MED14: variants seen among roughly 807,000 people sequenced by gnomAD.
The protein encoded by MED14 is mediator complex subunit 14.
In MED14, 8 loss-of-function variants were observed where a neutral mutation model predicts 109.0. The observed-to-expected ratio is 0.07, with a 90% confidence interval of 0.04 to 0.13. The LOEUF (loss-of-function observed/expected upper bound fraction) is 0.13. Among genes scored for constraint, MED14 ranks in the 10% least tolerant of loss-of-function variants. The pLI is 1.00. For synonymous variants in MED14, 399 were observed against 408.7 expected, an observed-to-expected ratio of 0.98 and a Z score of 0.29; for missense variants, 711 against 1,142.4, an observed-to-expected ratio of 0.62 and a Z score of 5.44.
At chrX:40,732,843 T>G (rs1932125393) in intron 1 of MED14, among the ~76,000 whole-genome samples, 1 of 108,671 alleles carries the variant, frequency 9.2e-6, no homozygotes, top group African/African-American at 3.4e-5. Flanking sequence ...AAGAGGAGAG[T>G]TTCAGGACAT....
At chrX:40,680,665 G>A (rs1163742342) in intron 20 of MED14, 93 bp downstream of exon 20, 12 of 755,233 alleles carry the variant, frequency 1.6e-5, no homozygotes, top group African/African-American at 1.3e-4. Context: ...CAATCCTTCC[G>A]CCTCGGCCTC....
rs2146682820 is a variant in MED14, at chrX:40,697,095, T to C, written c.1579A>G (p.Thr527Ala). Reference protein sequence around the residue: ...SETLQLSNYSTHPIGNLSKNK... With the variant: ...SETLQLSNYSAHPIGNLSKNK... Reference sequence around the variant, plus strand: ...TTAGAAAGGTTTCCAATAGGATGAGTTGAGTAATTGGAAAGCTGCAATGTT... The same window carrying C: ...TTAGAAAGGTTTCCAATAGGATGAGCTGAGTAATTGGAAAGCTGCAATGTT... The change falls in exon 13 of 31, where the codon ACT (threonine) becomes GCT (alanine). Residue 527 changes from threonine (T) to alanine (A), a missense_variant. This residue lies in a region of MED14 where 388 missense variants were observed against 517.3 expected (regional missense o/e 0.75). Transcript: ENST00000324817. 1.7e-6 allele frequency: 2 copies of C among 1,190,752 alleles called. No homozygotes were observed. The highest frequency in any genetic ancestry group is 5.9e-5 in the East Asian group (2 of 33,777).
At position 40,680,159 on chromosome X, in the gene MED14, C is replaced by T. The variant is rs1425452479; in HGVS notation, c.2611-26G>A. 5 of 1,191,846 alleles carry T rather than the reference C, an allele frequency of 4.2e-6. No homozygotes were observed. In the East Asian group the frequency reaches 1.5e-4, roughly 35 times the overall value. On this transcript the variant is annotated intron_variant, in intron 20 of 30. Transcript: ENST00000324817. Reference sequence around the variant, plus strand: ...CTATAAGGAACAAACACAGTGAGAGCAGCCAGTTTCTGTACAAATGTTAAA... The same window carrying T: ...CTATAAGGAACAAACACAGTGAGAGTAGCCAGTTTCTGTACAAATGTTAAA...
At chrX:40,683,119 A>G in intron 16 of MED14, 123 bp from the exon 17 acceptor site, 1 of 526,526 alleles carries the variant, frequency 1.9e-6, no homozygotes, top group Non-Finnish European at 3.0e-6. Flanking sequence ...CCTTCTGCAA[A>G]AGGAGGAAGC....
chrX:40,689,686 C>T (rs372399431), intron 15 of MED14, among the ~76,000 whole-genome samples: 2 of 106,715 alleles, frequency 1.9e-5, no homozygotes, highest in Admixed American at 1.0e-4. Flanking sequence ...AGTGAAACTC[C>T]ATTTCAAAAA....
Position 40,663,043 on chromosome X carries a change from G to C in MED14, c.3566C>G (p.Ser1189Cys). Residue 1189 changes from serine to cysteine, a missense_variant, in exon 26 of 31, where the codon TCT becomes TGT. Physicochemically the swap from Ser to Cys is moderately radical, Grantham distance 112. Around this residue, in one of 8 missense-constraint regions of MED14, gnomAD observed 54 missense variants for 129.6 expected, o/e 0.42. Transcript: ENST00000324817. ...GCCGGGCACAAGGCCTGGAGTTGGA[G>C]AGGGCAGCAGTAAAATGTTCAAGGC... Reference protein sequence around the residue: ...HSALNILLLPSPTPGLVPGLA... With the variant: ...HSALNILLLPCPTPGLVPGLA... The C allele has an allele frequency of 8.3e-7, 1 of 1,211,379 alleles. No homozygotes were observed.
At chrX:40,690,617 G>A (rs1930465938) in intron 15 of MED14, among the ~76,000 whole-genome samples, 1 of 111,295 alleles carries the variant, frequency 9.0e-6, no homozygotes, top group Non-Finnish European at 1.9e-5. Flanking sequence ...GTTTCACCAT[G>A]TTGGCCAGGT....
chrX:40,689,382 C>T (rs1602466589), intron 15 of MED14, among the ~76,000 whole-genome samples: 1 of 111,942 alleles, frequency 8.9e-6, no homozygotes, highest in East Asian at 2.8e-4. Flanking sequence ...AATGTTGCTG[C>T]TATTCTATCA....
intron 12 of MED14, among the ~76,000 whole-genome samples, chrX:40,697,668 CCTTTTATTT>C (rs1261528636): frequency 8.9e-6 from 1 of 111,890 alleles, no homozygotes; most frequent in African/African-American, 3.2e-5. Flanking sequence ...TCCTTTTATT[CCTTTTATTT>C]GATTATCTAT....
intron 23 of MED14, among the ~76,000 whole-genome samples, chrX:40,670,138 G>C (rs897638345): frequency 2.1e-4 from 23 of 111,981 alleles, no homozygotes; most frequent in African/African-American, 7.5e-4. Flanking sequence ...AGACATGGTG[G>C]GGGTGGGATC....
At chrX:40,727,830 C>T (rs1481556613) in intron 2 of MED14, among the ~76,000 whole-genome samples, 1 of 111,257 alleles carries the variant, frequency 9.0e-6, no homozygotes, top group African/African-American at 3.3e-5. Flanking sequence ...ACCACCATGA[C>T]GCAATGCACC....
chrX:40,687,584 T>C (rs904232047), intron 16 of MED14, among the ~76,000 whole-genome samples: 1 of 111,428 alleles, frequency 9.0e-6, no homozygotes, highest in African/African-American at 3.3e-5. Flanking sequence ...TCCAGCCTCA[T>C]TTCTCCCATC....
At chrX:40,660,745 G>A (rs189168650) in intron 26 of MED14, among the ~76,000 whole-genome samples, 2 of 112,080 alleles carry the variant, frequency 1.8e-5, no homozygotes, top group African/African-American at 6.5e-5. Flanking sequence ...GCTAGATCCC[G>A]GGTCTGATGA....
intron 15 of MED14, among the ~76,000 whole-genome samples, chrX:40,688,783 T>C (rs746128797): frequency 2.7e-5 from 3 of 111,712 alleles, no homozygotes; most frequent in Admixed American, 1.9e-4. Flanking sequence ...ATTCAAAATT[T>C]AGGAGATTAG....
At chrX:40,734,435 C>T (rs186749026) in intron 1 of MED14, among the ~76,000 whole-genome samples, 47 of 112,345 alleles carry the variant, frequency 4.2e-4, no homozygotes, top group Non-Finnish European at 7.5e-5. Context: ...CAATTGATAA[C>T]CCTGATCTGA....
chrX:40,722,560 A>G (rs1300916309), intron 3 of MED14, among the ~76,000 whole-genome samples: 1 of 111,723 alleles, frequency 9.0e-6, no homozygotes, highest in Non-Finnish European at 1.9e-5. Flanking sequence ...TTTATTGAAA[A>G]GGATAACAAC....
At position 40,651,538 on chromosome X, in the gene MED14, C is replaced by G. The variant is rs1928876039; in HGVS notation, c.*268G>C. On this transcript the variant is annotated 3_prime_UTR_variant, in exon 31 of 31. Transcript: ENST00000324817. The stretch of plus-strand genomic sequence containing the variant: ...ATTTTCATAACTTTATAGTATAAAA[C>G]AGAATATTAAATTTATTACTGGCAA... 1 of 868,459 alleles carries G rather than the reference C, an allele frequency of 1.2e-6. No homozygotes were observed. The highest frequency in any genetic ancestry group is 1.4e-6 in the Non-Finnish European group (1 of 707,896). The allele number at this position is 868,459 out of a possible 1,213,427, so 71.6% of individuals were successfully genotyped here.
intron 13 of MED14, 83 bp downstream of exon 13, chrX:40,696,941 T>C: frequency 1.2e-6 from 1 of 851,832 alleles, no homozygotes; most frequent in Non-Finnish European, 1.7e-6. Flanking sequence ...TAAAATTCAT[T>C]GGCAAGTTAA....
chrX:40,717,693 T>C (rs1162856779), intron 3 of MED14, among the ~76,000 whole-genome samples: 1 of 111,210 alleles, frequency 9.0e-6, no homozygotes, highest in African/African-American at 3.3e-5. Context: ...CAGCTAATTT[T>C]TGTATTTTTA....
Sources: allele counts gnomAD v4.1 joint callset (sites outside exome capture counted in the v4.1 genomes callset), GRCh38; gene constraint gnomAD v4.1.1; regional missense constraint gnomAD v4.1.1; transcripts MANE v1.5; gene names NCBI Gene and HGNC (gene_info 2026-07-23, HGNC 2026-07-21).